Variants in LDLRAD4 observed in about 807,000 individuals in gnomAD.
The protein encoded by LDLRAD4 is low-density lipoprotein receptor class A domain-containing protein 4.
A neutral mutation model predicts 17.0 loss-of-function variants in LDLRAD4; 5 were observed. The ratio of observed to expected loss-of-function variants is 0.29; its 90% CI spans 0.15 to 0.62. The LOEUF is 0.62. LDLRAD4 is among the 20% of genes least tolerant of loss of function. The pLI, the probability that LDLRAD4 is intolerant of heterozygous loss-of-function variation, is 0.84. For synonymous variants in LDLRAD4, 168 were observed against 171.8 expected, an observed-to-expected ratio of 0.98 and a Z score of 0.17; for missense variants, 340 against 424.7, an observed-to-expected ratio of 0.80 and a Z score of 1.75.
At chr18:13,496,046 CGAG>C (rs890013849) in intron 3 of LDLRAD4, among the ~76,000 whole-genome samples, 1 of 152,064 alleles carries the variant, frequency 6.6e-6, no homozygotes, top group African/African-American at 2.4e-5. Context: ...TTCTCTGCCT[CGAG>C]GAGATTTGGC....
chr18:13,431,130 T>G (rs1337579341), intron 2 of LDLRAD4, among the ~76,000 whole-genome samples: 11 of 152,232 alleles, frequency 7.2e-5, no homozygotes, highest in Non-Finnish European at 1.5e-4. Context: ...TGTGCCTGAT[T>G]ATAAAATCAT....
At chr18:13,578,372 A>G (rs2094804527) in intron 3 of LDLRAD4, among the ~76,000 whole-genome samples, 1 of 152,168 alleles carries the variant, frequency 6.6e-6, no homozygotes, top group Non-Finnish European at 1.5e-5. Context: ...AGATTGACTA[A>G]TCTGGGTCCC....
chr18:13,422,893 A>G (rs1477267745), intron 2 of LDLRAD4, among the ~76,000 whole-genome samples: 3 of 152,170 alleles, frequency 2.0e-5, no homozygotes, highest in African/African-American at 7.2e-5. Context: ...CCTTGGTGAC[A>G]TGCTCTCCAA....
intron 3 of LDLRAD4, among the ~76,000 whole-genome samples, chr18:13,517,500 T>G (rs985217043): frequency 6.6e-6 from 1 of 152,210 alleles, no homozygotes; most frequent in Non-Finnish European, 1.5e-5. Context: ...TCCTTAGATG[T>G]CTGAATGTCT....
intron 1 of LDLRAD4, among the ~76,000 whole-genome samples, chr18:13,301,438 G>T (rs1418792814): frequency 6.6e-6 from 1 of 152,004 alleles, no homozygotes; most frequent in African/African-American, 2.4e-5. Flanking sequence ...TTGGGGCGAG[G>T]GGGGTGGGGA....
intron 3 of LDLRAD4, among the ~76,000 whole-genome samples, chr18:13,620,459 C>T (rs535269124): frequency 1.3e-5 from 2 of 152,344 alleles, no homozygotes; most frequent in South Asian, 4.1e-4. Flanking sequence ...GGCTCCAGGC[C>T]GCCCGTGAGC....
intron 1 of LDLRAD4, among the ~76,000 whole-genome samples, chr18:13,262,368 CCCTGTGCGTGGAAACTGAG>C (rs2043906173): frequency 1.4e-5 from 2 of 139,542 alleles, no homozygotes; most frequent in East Asian, 2.2e-4. Context: ...TCCCGTGCGG[CCCTGTGCGTGGAAACTGAG>C]TCCCGTGTGG....
intron 3 of LDLRAD4, among the ~76,000 whole-genome samples, chr18:13,441,402 T>G (rs2091013117): frequency 6.6e-6 from 1 of 152,176 alleles, no homozygotes; most frequent in Admixed American, 6.5e-5. Flanking sequence ...CACGAACTCT[T>G]GTCTATGAAG....
chr18:13,262,712 A>G (rs1259346549), intron 1 of LDLRAD4, among the ~76,000 whole-genome samples: 4 of 58,184 alleles, frequency 6.9e-5, no homozygotes, highest in Non-Finnish European at 8.9e-5. Context: ...GTGTGTGGAA[A>G]CTGAGTCCCG....
chr18:13,343,384 C>A (rs1253965983), intron 1 of LDLRAD4, among the ~76,000 whole-genome samples: 2 of 152,006 alleles, frequency 1.3e-5, no homozygotes, highest in East Asian at 3.9e-4. Context: ...TTTCCAGCTT[C>A]ATCCATGTCC....
rs566825220 is a variant in LDLRAD4 at position 13,254,688 on chromosome 18, C to T, written c.-466-23417C>T. Among the ~76,000 whole-genome samples the T allele has an allele frequency of 6.6e-5, 10 of 152,358 alleles. No homozygotes were observed. In the South Asian group the frequency reaches 1.0e-3, roughly 16 times the overall value. On this transcript the variant is annotated intron_variant, in intron 1 of 5. Transcript: ENST00000399848. ...TAAACATGTAAAAGAACATACTGGG[C>T]GTGGTGGCCCACACCTGTCATCCCA...
At position 13,426,948 on chromosome 18, in the gene LDLRAD4, G is replaced by A. The variant is rs145226460; in HGVS notation, c.41-11296G>A. ...CGCCTGTAATCCCAGCACTTTGGGA[G>A]GCTGAGGCGGGCGGATCACGAAGTT... On this transcript the variant is annotated intron_variant, in intron 2 of 5. Coordinates refer to ENST00000359446, the Ensembl canonical transcript of LDLRAD4. 2.1e-3 allele frequency among the ~76,000 whole-genome samples: 321 copies of A among 152,298 alleles called. 2 individuals carry two copies. Among genetic ancestry groups the A allele is most frequent in the Middle Eastern group, 3.4e-3 (1 of 294 alleles).
chr18:13,350,386 G>C (rs1450407228), intron 1 of LDLRAD4, among the ~76,000 whole-genome samples: 1 of 152,208 alleles, frequency 6.6e-6, no homozygotes, highest in African/African-American at 2.4e-5. Flanking sequence ...GACCAGTGAT[G>C]ATGAGCTTTG....
rs148432326 is a variant in LDLRAD4 at position 13,313,607 on chromosome 18, A to G, written c.-383+35419A>G. ...CACCGTCCCCCGCACGGGGAACTCA[A>G]GTTAGGCTTCTTGGCCCTTACGTGT... On this transcript the variant is annotated intron_variant, in intron 1 of 5. Transcript: ENST00000359446. 4.1e-3 allele frequency among the ~76,000 whole-genome samples: 632 copies of G among 152,376 alleles called. 3 individuals are homozygous for G. Among genetic ancestry groups the G allele is most frequent in the Middle Eastern group, 0.024 (7 of 294 alleles).
intron 2 of LDLRAD4, among the ~76,000 whole-genome samples, chr18:13,407,585 C>T (rs577209602): frequency 1.0e-3 from 155 of 152,344 alleles, no homozygotes; most frequent in Non-Finnish European, 1.8e-3. Flanking sequence ...GTACTAACAC[C>T]GGTAGGAGCT....
At chr18:13,375,896 T>C (rs781536262) in intron 1 of LDLRAD4, among the ~76,000 whole-genome samples, 1 of 152,174 alleles carries the variant, frequency 6.6e-6, no homozygotes, top group Non-Finnish European at 1.5e-5. Context: ...TTCAAGTGTA[T>C]TTGTTAATTA....
At chr18:13,531,805 G>A (rs989701781) in intron 3 of LDLRAD4, among the ~76,000 whole-genome samples, 1 of 152,070 alleles carries the variant, frequency 6.6e-6, no homozygotes, top group Non-Finnish European at 1.5e-5. Context: ...GGGTTGTGCT[G>A]GCCTCAGAGA....
intron 2 of LDLRAD4, among the ~76,000 whole-genome samples, chr18:13,429,337 G>C (rs1274246219): frequency 6.6e-6 from 1 of 152,228 alleles, no homozygotes; most frequent in African/African-American, 2.4e-5. Context: ...CTTGTTTGCA[G>C]CATTAAACTG....
chr18:13,584,738 T>C (rs919546889), intron 3 of LDLRAD4, among the ~76,000 whole-genome samples: 3 of 152,208 alleles, frequency 2.0e-5, no homozygotes, highest in Non-Finnish European at 4.4e-5. Context: ...GCAAGTTGTC[T>C]GAAGATTATT....
Sources: allele counts gnomAD v4.1 joint callset (sites outside exome capture counted in the v4.1 genomes callset), GRCh38; gene constraint gnomAD v4.1.1; transcripts MANE v1.5; gene names NCBI Gene and HGNC (gene_info 2026-07-23, HGNC 2026-07-21).